The following EBF1 variants were observed in gnomAD, a reference collection of about 807,000 sequenced individuals.
EBF1 encodes the protein EBF transcription factor 1.
Under a neutral mutation model 68.4 loss-of-function variants are expected in EBF1, and 10 were observed. The ratio of observed to expected loss-of-function variants is 0.15; its 90% CI spans 0.09 to 0.25. The LOEUF is 0.25. EBF1 is among the 10% of genes least tolerant of loss of function. The probability of loss-of-function intolerance (pLI) is 1.00; values close to 1 mark genes in which losing one functional copy is unlikely to be tolerated. For synonymous variants in EBF1, 298 were observed against 299.8 expected (o/e 0.99, Z 0.06); for missense variants, 509 against 794.4 (o/e 0.64, Z 4.32).
rs1224960020 is a variant in EBF1, at chr5:158,696,268, A to ATCTT, written c.*2839_*2842dup. On this transcript the variant is annotated 3_prime_UTR_variant, in exon 16 of 16. Transcript: ENST00000313708. ...AGCCATATTCTGTATTTAGGGGAAC[A>ATCTT]TCTTTTATTTGTAAAACTTTTGTGG... 2 of 219,706 alleles carry ATCTT rather than the reference A, an allele frequency of 9.1e-6. No homozygotes were observed. The highest frequency in any genetic ancestry group is 4.5e-5 in the African/African-American group (2 of 44,480). The allele number at this position is 219,706 out of a possible 1,614,324, so 13.6% of individuals were successfully genotyped here.
intron 6 of EBF1, among the ~76,000 whole-genome samples, chr5:159,054,339 AT>A (rs1346829768): frequency 6.6e-6 from 1 of 152,186 alleles, no homozygotes; most frequent in East Asian, 1.9e-4. Flanking sequence ...GGGACTCACA[AT>A]TTTATTTCTT....
chr5:159,053,156 T>C (rs2127828073), intron 6 of EBF1, among the ~76,000 whole-genome samples: 1 of 152,332 alleles, frequency 6.6e-6, no homozygotes, highest in Admixed American at 6.5e-5. Context: ...GGTCAGACAC[T>C]GCAAGGTTGG....
chr5:158,894,227 T>C (rs1395025668), intron 6 of EBF1, among the ~76,000 whole-genome samples: 1 of 152,178 alleles, frequency 6.6e-6, no homozygotes, highest in Non-Finnish European at 1.5e-5. Flanking sequence ...AATTTCTCTA[T>C]GCATTTCTGA....
At chr5:158,801,993 T>C (rs559073668) in intron 8 of EBF1, among the ~76,000 whole-genome samples, 2 of 152,270 alleles carry the variant, frequency 1.3e-5, no homozygotes, top group Admixed American at 1.3e-4. Flanking sequence ...ATCTATTTCT[T>C]TGATAGAAAG....
intron 6 of EBF1, among the ~76,000 whole-genome samples, chr5:158,843,746 C>A (rs551992515): frequency 6.6e-6 from 1 of 152,292 alleles, no homozygotes; most frequent in South Asian, 2.1e-4. Flanking sequence ...AGCCAAGTGC[C>A]TGACCCTTTC....
At chr5:158,829,707 T>C (rs552962690) in intron 7 of EBF1, among the ~76,000 whole-genome samples, 1 of 152,268 alleles carries the variant, frequency 6.6e-6, no homozygotes, top group East Asian at 1.9e-4. Context: ...CCCCCTATAG[T>C]CTACATTCTA....
chr5:158,858,976 A>G (rs530054459), intron 6 of EBF1, among the ~76,000 whole-genome samples: 2 of 152,192 alleles, frequency 1.3e-5, no homozygotes, highest in African/African-American at 4.8e-5. Flanking sequence ...TAGAGGACTC[A>G]GGCAGTCTGC....
intron 8 of EBF1, among the ~76,000 whole-genome samples, chr5:158,801,840 C>G (rs992874918): frequency 1.3e-5 from 2 of 151,924 alleles, no homozygotes; most frequent in South Asian, 4.2e-4. Context: ...TCAGAGATGC[C>G]CTCGGTAGTT....
intron 6 of EBF1, among the ~76,000 whole-genome samples, chr5:158,895,942 A>G (rs1184023907): frequency 1.3e-5 from 2 of 152,236 alleles, no homozygotes; most frequent in Non-Finnish European, 2.9e-5. Flanking sequence ...CAGCACAAAG[A>G]GAGAGGCAAA....
At chr5:158,848,698 GA>G (rs1792016420) in intron 6 of EBF1, among the ~76,000 whole-genome samples, 1 of 152,230 alleles carries the variant, frequency 6.6e-6, no homozygotes, top group Admixed American at 6.5e-5. Flanking sequence ...GCCAGGGGTT[GA>G]AAATGAAAGG....
intron 6 of EBF1, among the ~76,000 whole-genome samples, chr5:159,025,628 T>C (rs540032781): frequency 6.6e-5 from 10 of 152,370 alleles, no homozygotes; most frequent in Admixed American, 2.0e-4. Context: ...TGAGAACCGA[T>C]GTGGAACTAA....
intron 10 of EBF1, among the ~76,000 whole-genome samples, chr5:158,775,787 C>CACACATGCACACAG (rs1474945553): frequency 3.1e-5 from 1 of 32,696 alleles, no homozygotes; most frequent in East Asian, 6.5e-4. Flanking sequence ...CACACAGACA[C>CACACATGCACACAG]ACACACACAC....
intron 6 of EBF1, among the ~76,000 whole-genome samples, chr5:158,954,610 C>G (rs1055198878): frequency 6.6e-6 from 1 of 152,188 alleles, no homozygotes; most frequent in African/African-American, 2.4e-5. Flanking sequence ...AATTTAGAGA[C>G]AGATTCCAGG....
intron 6 of EBF1, among the ~76,000 whole-genome samples, chr5:159,040,561 A>G (rs1770991557): frequency 6.6e-6 from 1 of 152,234 alleles, no homozygotes; most frequent in Non-Finnish European, 1.5e-5. Flanking sequence ...TGAGTCCTGG[A>G]AACAGGGAAA....
chr5:159,004,024 C>G (rs184922868), intron 6 of EBF1, among the ~76,000 whole-genome samples: 25 of 152,294 alleles, frequency 1.6e-4, no homozygotes, highest in Middle Eastern at 6.8e-3. Flanking sequence ...CAGCTGAAAT[C>G]CCAGCACATT....
chr5:158,919,677 G>C (rs1807975488), intron 6 of EBF1, among the ~76,000 whole-genome samples: 1 of 152,138 alleles, frequency 6.6e-6, no homozygotes, highest in Non-Finnish European at 1.5e-5. Flanking sequence ...AGCATATGTG[G>C]GGACAAAGGA....
intron 11 of EBF1, among the ~76,000 whole-genome samples, chr5:158,716,847 G>C (rs1265431281): frequency 6.6e-6 from 1 of 152,156 alleles, no homozygotes; most frequent in Non-Finnish European, 1.5e-5. Flanking sequence ...AACATGACGA[G>C]CAGGTCAGGA....
chr5:158,703,552 T>C (rs1015513338), intron 15 of EBF1, among the ~76,000 whole-genome samples: 1 of 149,546 alleles, frequency 6.7e-6, no homozygotes, highest in Non-Finnish European at 1.5e-5. Context: ...TTTTATTTTT[T>C]AACAGGACAT....
chr5:158,883,153 A>G (rs1380031257), intron 6 of EBF1, among the ~76,000 whole-genome samples: 4 of 152,154 alleles, frequency 2.6e-5, no homozygotes, highest in Admixed American at 2.6e-4. Flanking sequence ...AGAGAGGTAC[A>G]TTCATTTTTG....
Sources: gnomAD v4.1 joint callset for allele counts (sites outside exome capture counted in the v4.1 genomes callset) on GRCh38, gnomAD v4.1.1 for gene constraint, MANE v1.5 for transcripts, NCBI Gene and HGNC (gene_info 2026-07-23, HGNC 2026-07-21) for gene names.